Variants in SUGCT observed in about 807,000 individuals in gnomAD.
SUGCT encodes succinyl-CoA:glutarate-CoA transferase, also known as succinyl-CoA:glutarate CoA-transferase.
A neutral mutation model predicts 55.0 loss-of-function variants in SUGCT; 41 were observed. That is an observed-to-expected ratio of 0.74 (90% CI 0.58 to 0.97). The LOEUF (loss-of-function observed/expected upper bound fraction) is 0.97. SUGCT is among the 50% of genes least tolerant of loss of function. The probability of loss-of-function intolerance (pLI) is 0.00; values close to 1 mark genes in which losing one functional copy is unlikely to be tolerated. For missense variants in SUGCT, 568 were observed against 547.8 expected (o/e 1.04, Z -0.37); for synonymous variants, 187 against 200.4 (o/e 0.93, Z 0.56).
chr7:40,655,811 A>G lies in SUGCT; in HGVS notation c.1090-93623A>G, dbSNP rs966857741. Among the ~76,000 whole-genome samples the G allele has an allele frequency of 3.3e-5, 5 of 152,164 alleles. No homozygotes were observed. In the East Asian group the frequency reaches 9.6e-4, roughly 29 times the overall value. ...CACAACAATAAACTTTTTTTTGGCC[A>G]TATCCAATGGAGAATACTTTTAAAT... On this transcript the variant is annotated intron_variant, in intron 12 of 13. Transcript: ENST00000335693.
intron 12 of SUGCT, among the ~76,000 whole-genome samples, chr7:40,544,483 C>G (rs545858316): frequency 6.6e-6 from 1 of 152,154 alleles, no homozygotes; most frequent in Non-Finnish European, 1.5e-5. Flanking sequence ...CCGAAGCTGA[C>G]GGTGGTGACA....
chr7:40,367,592 A>G (rs1439863966), intron 9 of SUGCT, among the ~76,000 whole-genome samples: 1 of 152,180 alleles, frequency 6.6e-6, no homozygotes, highest in Non-Finnish European at 1.5e-5. Context: ...CGTAAAAGGA[A>G]AACCAGCACC....
At chr7:40,250,629 CAT>C (rs903137119) in intron 7 of SUGCT, among the ~76,000 whole-genome samples, 2 of 151,850 alleles carry the variant, frequency 1.3e-5, no homozygotes, top group Non-Finnish European at 2.9e-5. Context: ...GAGATAATAA[CAT>C]TTTTGCTAAT....
chr7:40,694,689 T>C (rs1367152868), intron 12 of SUGCT, among the ~76,000 whole-genome samples: 1 of 152,222 alleles, frequency 6.6e-6, no homozygotes, highest in Admixed American at 6.5e-5. Context: ...GTTAAGTCAA[T>C]GAGAAAGATA....
At chr7:40,247,700 T>G (rs1168952640) in intron 7 of SUGCT, among the ~76,000 whole-genome samples, 1 of 152,242 alleles carries the variant, frequency 6.6e-6, no homozygotes, top group African/African-American at 2.4e-5. Context: ...GTTCCGGCCT[T>G]TCCTTTGTTT....
intron 12 of SUGCT, among the ~76,000 whole-genome samples, chr7:40,622,680 A>G (rs573808650): frequency 1.5e-4 from 23 of 152,068 alleles, no homozygotes; most frequent in Admixed American, 5.9e-4. Context: ...TTATCAGCCA[A>G]TAACACTTAA....
At chr7:40,642,480 G>T (rs1266824704) in intron 12 of SUGCT, among the ~76,000 whole-genome samples, 1 of 152,144 alleles carries the variant, frequency 6.6e-6, no homozygotes, top group Non-Finnish European at 1.5e-5. Context: ...AGTATTAGCT[G>T]GAGGAAGGGC....
intron 12 of SUGCT, chr7:40,684,026 G>T: frequency 6.2e-7 from 1 of 1,611,732 alleles, no homozygotes; most frequent in South Asian, 1.1e-5. Flanking sequence ...TATGACTGAG[G>T]TCTCTGTTTT....
intron 13 of SUGCT, among the ~76,000 whole-genome samples, chr7:40,796,307 A>AAAGGGATG (rs1790551051): frequency 6.6e-6 from 1 of 152,218 alleles, no homozygotes; most frequent in Admixed American, 6.5e-5. Flanking sequence ...AAGGTATTCA[A>AAAGGGATG]AAGGGATGAG....
chr7:40,557,789 AAAAAG>A (rs1433681109), intron 12 of SUGCT, among the ~76,000 whole-genome samples: 1 of 151,866 alleles, frequency 6.6e-6, no homozygotes, highest in Non-Finnish European at 1.5e-5. Context: ...AAAAAAAAGA[AAAAAG>A]AAAAAAGACA....
intron 11 of SUGCT, among the ~76,000 whole-genome samples, chr7:40,486,874 A>G (rs1273035048): frequency 1.3e-5 from 2 of 151,422 alleles, no homozygotes; most frequent in Non-Finnish European, 2.9e-5. Context: ...AATTCTACAA[A>G]TTCTACCACA....
chr7:40,988,663 G>A, the SUGCT span, among the ~76,000 whole-genome samples: 20 of 152,042 alleles, frequency 1.3e-4, no homozygotes, highest in African/African-American at 2.4e-4. Context: ...TTTTATTATC[G>A]TAGAGAAAAG....
intron 11 of SUGCT, among the ~76,000 whole-genome samples, chr7:40,482,883 A>T (rs982633806): frequency 6.6e-5 from 10 of 152,220 alleles, no homozygotes; most frequent in African/African-American, 2.4e-4. Flanking sequence ...GTACTGAGCC[A>T]TCTTGAGATT....
At chr7:40,218,999 C>T (rs1170552788) in intron 6 of SUGCT, among the ~76,000 whole-genome samples, 1 of 147,080 alleles carries the variant, frequency 6.8e-6, no homozygotes, top group Non-Finnish European at 1.5e-5. Context: ...AGTCTTGCTA[C>T]TACTCACTCT....
At chr7:40,934,336 T>C in the SUGCT span, among the ~76,000 whole-genome samples, 1 of 152,246 alleles carries the variant, frequency 6.6e-6, no homozygotes, top group Non-Finnish European at 1.5e-5. Context: ...GGCACCTACC[T>C]GTATGAGGTG....
intron 12 of SUGCT, among the ~76,000 whole-genome samples, chr7:40,605,856 G>C (rs1373740955): frequency 6.6e-6 from 1 of 152,228 alleles, no homozygotes; most frequent in South Asian, 2.1e-4. Context: ...GATGGTAGAA[G>C]AAATGGTGTG....
chr7:40,229,095 A>G (rs1788560645), intron 6 of SUGCT, among the ~76,000 whole-genome samples: 1 of 152,196 alleles, frequency 6.6e-6, no homozygotes, highest in African/African-American at 2.4e-5. Flanking sequence ...CCATTTCTTC[A>G]AGGACTGTTA....
chr7:40,867,960 A>G, the SUGCT span, among the ~76,000 whole-genome samples: 1 of 152,288 alleles, frequency 6.6e-6, no homozygotes. Context: ...CCTACTCTAT[A>G]GGAGATACAT....
At chr7:40,414,716 T>C (rs1031614442) in intron 9 of SUGCT, among the ~76,000 whole-genome samples, 1 of 151,776 alleles carries the variant, frequency 6.6e-6, no homozygotes, top group African/African-American at 2.4e-5. Flanking sequence ...AGACCAGCCT[T>C]GTCAACATGT....
Sources: allele counts gnomAD v4.1 joint callset (sites outside exome capture counted in the v4.1 genomes callset), GRCh38; gene constraint gnomAD v4.1.1; transcripts MANE v1.5; gene names NCBI Gene and HGNC (gene_info 2026-07-23, HGNC 2026-07-21).